Variants in CPQ observed in about 807,000 individuals in gnomAD.
CPQ encodes the protein Ser-Met dipeptidase.
CPQ carries 37 observed loss-of-function variants against 45.7 expected under a neutral mutation model. The ratio of observed to expected loss-of-function variants is 0.81; its 90% confidence interval spans 0.62 to 1.07. CPQ has a LOEUF of 1.07. Among genes scored for constraint, CPQ ranks in the 50% least tolerant of loss-of-function variants. The probability of loss-of-function intolerance (pLI) is 0.00; values close to 1 mark genes in which losing one functional copy is unlikely to be tolerated. For missense variants in CPQ, 537 were observed against 572.9 expected, an observed-to-expected ratio of 0.94 and a Z score of 0.64; for synonymous variants, 186 against 205.8, an observed-to-expected ratio of 0.90 and a Z score of 0.82.
At chr8:97,001,667 T>G (rs1219105192) in intron 5 of CPQ, among the ~76,000 whole-genome samples, 1 of 151,932 alleles carries the variant, frequency 6.6e-6, no homozygotes, top group Non-Finnish European at 1.5e-5. Flanking sequence ...TGAGAATTTT[T>G]GCATCAATGT....
chr8:96,738,660 T>A (rs1810030826), intron 1 of CPQ, among the ~76,000 whole-genome samples: 1 of 152,054 alleles, frequency 6.6e-6, no homozygotes, highest in South Asian at 2.1e-4. Flanking sequence ...CCTTCCTGTG[T>A]CCATGTGTTC....
intron 1 of CPQ, among the ~76,000 whole-genome samples, chr8:96,661,567 C>G (rs537638155): frequency 6.6e-6 from 1 of 152,314 alleles, no homozygotes; most frequent in East Asian, 1.9e-4. Flanking sequence ...TCGCTTCTTT[C>G]ACTGAGTAAT....
chr8:96,881,458 T>A (rs1160141431), intron 4 of CPQ, among the ~76,000 whole-genome samples: 1 of 152,194 alleles, frequency 6.6e-6, no homozygotes, highest in Non-Finnish European at 1.5e-5. Context: ...AAATCATTCA[T>A]GAGAAACAGC....
At chr8:96,726,585 G>T (rs1263737797) in intron 1 of CPQ, among the ~76,000 whole-genome samples, 1 of 152,034 alleles carries the variant, frequency 6.6e-6, no homozygotes, top group Non-Finnish European at 1.5e-5. Flanking sequence ...ACTCTTAAAT[G>T]ACCCATGAGA....
chr8:96,733,699 C>G (rs986616114), intron 1 of CPQ, among the ~76,000 whole-genome samples: 1 of 151,848 alleles, frequency 6.6e-6, no homozygotes, highest in Non-Finnish European at 1.5e-5. Context: ...AACATGTAAT[C>G]GTGTAAATAA....
chr8:97,015,904 A>T (rs962046092), intron 5 of CPQ, among the ~76,000 whole-genome samples: 2 of 152,098 alleles, frequency 1.3e-5, no homozygotes, highest in African/African-American at 4.8e-5. Context: ...GTTTACATAC[A>T]TTTATAATTT....
chr8:96,920,790 A>C, intron 4 of CPQ, among the ~76,000 whole-genome samples: 1 of 152,148 alleles, frequency 6.6e-6, no homozygotes, highest in African/African-American at 2.4e-5. Context: ...GAGACAGAGA[A>C]CAGGCGGCCA....
chr8:97,068,579 GCTGAGAT>G lies in CPQ; in HGVS notation c.1255+2371_1255+2377del, dbSNP rs1258309983. ...ACCCAGGAGGCGGCAGTTGCAGTGA[GCTGAGAT>G]CATGCCACTGCACTCCAGCCTGAGC... On this transcript the variant is annotated intron_variant, in intron 7 of 7. Coordinates refer to ENST00000220763, the MANE Select transcript of CPQ (RefSeq NM_016134.4). Among the ~76,000 whole-genome samples the G allele has an allele frequency of 3.3e-5, 5 of 152,326 alleles. No individual in the cohort carries two copies. The South Asian group carries it at 8.3e-4, about 25-fold the overall frequency.
chr8:96,656,295 C>T (rs1055114321), intron 1 of CPQ, among the ~76,000 whole-genome samples: 1 of 152,144 alleles, frequency 6.6e-6, no homozygotes, highest in African/African-American at 2.4e-5. Flanking sequence ...CTGGGTGCTG[C>T]CTTTGCTCTG....
At chr8:96,781,171 A>G (rs1376434507) in intron 1 of CPQ, among the ~76,000 whole-genome samples, 1 of 152,208 alleles carries the variant, frequency 6.6e-6, no homozygotes, top group Admixed American at 6.5e-5. Context: ...AAAGACATAC[A>G]AAGAGAAGCA....
intron 5 of CPQ, among the ~76,000 whole-genome samples, chr8:96,977,357 G>T (rs1418663301): frequency 6.6e-6 from 1 of 151,590 alleles, no homozygotes; most frequent in Non-Finnish European, 1.5e-5. Flanking sequence ...TGGCAGGGAT[G>T]CAGTAAAAAG....
chr8:96,789,637 G>C (rs1179329416), intron 2 of CPQ, among the ~76,000 whole-genome samples: 1 of 152,176 alleles, frequency 6.6e-6, no homozygotes, highest in Non-Finnish European at 1.5e-5. Flanking sequence ...AAATGCCTTG[G>C]AAGTTCCTTT....
chr8:96,725,809 CA>C (rs1809829642), intron 1 of CPQ, among the ~76,000 whole-genome samples: 1 of 152,164 alleles, frequency 6.6e-6, no homozygotes, highest in Non-Finnish European at 1.5e-5. Flanking sequence ...GCACTATTCA[CA>C]ATAGCAAAGA....
At chr8:96,678,054 C>T (rs1273581184) in intron 1 of CPQ, among the ~76,000 whole-genome samples, 2 of 152,022 alleles carry the variant, frequency 1.3e-5, no homozygotes, top group Non-Finnish European at 2.9e-5. Context: ...TACCCCTACC[C>T]TGCTGTTTTA....
intron 3 of CPQ, among the ~76,000 whole-genome samples, chr8:96,872,817 ATATT>A (rs751511221): frequency 1.2e-4 from 18 of 151,932 alleles, no homozygotes; most frequent in African/African-American, 1.7e-4. Flanking sequence ...ACAAAAGCTA[ATATT>A]TATTCAATAC....
At chr8:96,874,950 C>G (rs1176080971) in intron 3 of CPQ, among the ~76,000 whole-genome samples, 1 of 151,830 alleles carries the variant, frequency 6.6e-6, no homozygotes, top group Non-Finnish European at 1.5e-5. Context: ...ATTTCACATG[C>G]AATGTACAAG....
chr8:96,990,109 G>A (rs141701474), intron 5 of CPQ, among the ~76,000 whole-genome samples: 1,609 of 152,100 alleles, frequency 0.011, 23 homozygotes, highest in African/African-American at 0.037. Flanking sequence ...TGCACAGAGT[G>A]CCCTTCTCCT....
At chr8:96,780,710 CTT>C (rs769993744) in intron 1 of CPQ, among the ~76,000 whole-genome samples, 13 of 134,828 alleles carry the variant, frequency 9.6e-5, no homozygotes, top group Admixed American at 2.2e-4. Flanking sequence ...TTTTTCTTTA[CTT>C]TTTTTTTTTT....
At chr8:97,000,702 G>C (rs1053957045) in intron 5 of CPQ, among the ~76,000 whole-genome samples, 4 of 152,082 alleles carry the variant, frequency 2.6e-5, no homozygotes, top group Non-Finnish European at 5.9e-5. Flanking sequence ...TTTTTGCTTA[G>C]GATTGCCTTG....
Sources: gnomAD v4.1 joint callset for allele counts (sites outside exome capture counted in the v4.1 genomes callset) on GRCh38, gnomAD v4.1.1 for gene constraint, MANE v1.5 for transcripts, NCBI Gene and HGNC (gene_info 2026-07-23, HGNC 2026-07-21) for gene names.